The following ECPAS variants were observed in gnomAD, a reference collection of about 807,000 sequenced individuals.
ECPAS encodes Ecm29 proteasome adaptor and scaffold.
A neutral mutation model predicts 255.1 loss-of-function variants in ECPAS; 70 were observed. The ratio of observed to expected loss-of-function variants is 0.27; its 90% CI spans 0.23 to 0.33. ECPAS has a LOEUF of 0.33. Ranked by LOEUF, ECPAS falls within the 10% of genes least tolerant of loss-of-function variation. The pLI, the probability that ECPAS is intolerant of heterozygous loss-of-function variation, is 1.00. For synonymous variants in ECPAS, 784 were observed against 775.0 expected (o/e 1.01, Z -0.19); for missense variants, 1,817 against 2,206.4 (o/e 0.82, Z 3.54).
chr9:111,420,249 A>G, intron 15 of ECPAS, 129 bp from the exon 16 acceptor site: 1 of 606,896 alleles, frequency 1.6e-6, no homozygotes. Context: ...CTAAGGTGAC[A>G]TTTTAATAAA....
rs749813502 is a variant in ECPAS, at chr9:111,481,267, C to T, written c.-83+2849G>A. On this transcript the variant is annotated intron_variant, in intron 1 of 49. Transcript: ENST00000684092. ...ATCCCAGCACTTTGGGAGGCCGAGG[C>T]GGGTGGATCACAGCAGATCACAAGG... 5.3e-4 allele frequency among the ~76,000 whole-genome samples: 80 copies of T among 152,146 alleles called. 1 individual carries two copies. The highest frequency in any genetic ancestry group is 1.3e-4 in the Non-Finnish European group (9 of 68,034).
intron 38 of ECPAS, 84 bp from the exon 39 acceptor site, chr9:111,374,122 T>TA: frequency 9.9e-7 from 1 of 1,013,470 alleles, no homozygotes; most frequent in Admixed American, 1.7e-5. Flanking sequence ...GCCAAAAATT[T>TA]AAACATATAA....
intron 24 of ECPAS, among the ~76,000 whole-genome samples, chr9:111,404,760 G>A (rs1041851397): frequency 6.2e-5 from 8 of 129,470 alleles, no homozygotes; most frequent in East Asian, 2.2e-4. Flanking sequence ...ATATGCCAAC[G>A]GCAAACAATC....
At chr9:111,427,933 TTA>T in intron 10 of ECPAS, 107 bp downstream of exon 10, 2 of 873,728 alleles carry the variant, frequency 2.3e-6, no homozygotes, top group Admixed American at 3.6e-5. Context: ...ATTAATCTTG[TTA>T]TATACATCAA....
At chr9:111,386,266 CTT>C in intron 32 of ECPAS, 109 bp downstream of exon 32, 1 of 767,038 alleles carries the variant, frequency 1.3e-6, no homozygotes, top group Non-Finnish European at 2.2e-6. Context: ...GCCCGGCCAG[CTT>C]TTTAGTAGTT....
At chr9:111,419,769 A>G (rs1001725229) in intron 16 of ECPAS, among the ~76,000 whole-genome samples, 1 of 150,070 alleles carries the variant, frequency 6.7e-6, no homozygotes, top group Non-Finnish European at 1.5e-5. Context: ...TGTATTAGCT[A>G]TATATCATAT....
chr9:111,483,490 G>A, intron 1 of ECPAS: 1 of 978,506 alleles, frequency 1.0e-6, no homozygotes, highest in African/African-American at 1.8e-5. Context: ...CGCAGGTTCG[G>A]CCGCGGCACT....
Position 111,436,984 on chromosome 9 carries a change from G to A in ECPAS, c.664C>T (p.Arg222Ter), listed in dbSNP as rs754571522. Residue 222 changes from arginine (R) to a stop codon, truncating the protein, a stop_gained, in exon 7 of 50, where the codon CGA (arginine) becomes TGA (stop). Transcript: ENST00000684092. LOFTEE classifies it high-confidence loss of function. Reference protein sequence around the residue: ...PPGMSFYAAKRVIGDNPWTPE... With the variant: ...PPGMSFYAAK ...GTCCATGGGTTATCACCAATAACTC[G>A]TTTGGCTGCATAAAAGCTCATTCCC... 4 of 1,612,830 alleles carry A rather than the reference G, an allele frequency of 2.5e-6. No homozygotes were observed. Among genetic ancestry groups the A allele is most frequent in the Admixed American group, 1.7e-5 (1 of 59,792 alleles).
At chr9:111,407,206 A>G (rs560657239) in intron 24 of ECPAS, among the ~76,000 whole-genome samples, 1 of 147,418 alleles carries the variant, frequency 6.8e-6, no homozygotes, top group South Asian at 2.1e-4. Context: ...GTTCAAGACC[A>G]GCCTGGTCAA....
intron 38 of ECPAS, 54 bp from the exon 39 acceptor site, chr9:111,374,092 A>G: frequency 2.8e-6 from 4 of 1,421,332 alleles, no homozygotes; most frequent in Non-Finnish European, 4.0e-6. Context: ...TGTTCTACCT[A>G]CCAAACCATT....
At chr9:111,431,110 G>GTA (rs2098229287) in intron 8 of ECPAS, among the ~76,000 whole-genome samples, 1 of 152,136 alleles carries the variant, frequency 6.6e-6, no homozygotes, top group Admixed American at 6.5e-5. Flanking sequence ...GCAAGCCACC[G>GTA]TATTTCTCTA....
Position 111,420,067 on chromosome 9 carries a change from G to C in ECPAS, c.1509C>G (p.Pro503=). The change falls in exon 16 of 50, where the codon CCC becomes CCG. Residue 503 remains proline, a synonymous_variant. Coordinates refer to ENST00000684092, the MANE Select transcript of ECPAS (RefSeq NM_001364929.1). ...VAVKFASTVF[P]SDHIPSRYLL... is the part of the protein sequence containing the mutation. ...AATATCTGGAAGGGATATGATCTGAGGGAAACACCGTACTGGCAAATTTCA... is the reference window on the plus strand; with the variant it reads ...AATATCTGGAAGGGATATGATCTGACGGAAACACCGTACTGGCAAATTTCA... 6.2e-7 allele frequency: 1 copy of C among 1,612,816 alleles called. No homozygotes were observed. Among genetic ancestry groups the C allele is most frequent in the Non-Finnish European group, 8.5e-7 (1 of 1,179,302 alleles).
intron 24 of ECPAS, 123 bp from the exon 25 acceptor site, chr9:111,397,276 T>C: frequency 8.1e-7 from 1 of 1,241,814 alleles, no homozygotes. Context: ...TTTGCCCTAG[T>C]TTGCTTTCGG....
intron 38 of ECPAS, among the ~76,000 whole-genome samples, chr9:111,374,814 T>C (rs755182848): frequency 1.3e-5 from 2 of 152,166 alleles, no homozygotes; most frequent in African/African-American, 4.8e-5. Flanking sequence ...CATGCCCTAA[T>C]AACTGGATGT....
intron 3 of ECPAS, among the ~76,000 whole-genome samples, chr9:111,450,556 T>C (rs2098259054): frequency 6.6e-6 from 1 of 152,160 alleles, no homozygotes; most frequent in African/African-American, 2.4e-5. Flanking sequence ...GATGACCTAT[T>C]ATAAATATAC....
intron 20 of ECPAS, among the ~76,000 whole-genome samples, chr9:111,413,598 T>C (rs2131737358): frequency 6.6e-6 from 1 of 152,164 alleles, no homozygotes; most frequent in Middle Eastern, 3.4e-3. Context: ...TTTACATAGT[T>C]TTTATTTAAA....
intron 2 of ECPAS, among the ~76,000 whole-genome samples, chr9:111,455,295 G>A (rs117600491): frequency 1.4e-4 from 22 of 152,114 alleles, no homozygotes; most frequent in South Asian, 4.2e-4. Flanking sequence ...CTATCCTGGC[G>A]AACACGGTGA....
At chr9:111,437,761 T>C (rs897693547) in intron 6 of ECPAS, among the ~76,000 whole-genome samples, 1 of 152,222 alleles carries the variant, frequency 6.6e-6, no homozygotes, top group African/African-American at 2.4e-5. Context: ...GGTTAATTTA[T>C]CATCCCTATT....
intron 23 of ECPAS, among the ~76,000 whole-genome samples, chr9:111,409,808 T>C (rs1049697511): frequency 6.6e-6 from 1 of 152,098 alleles, no homozygotes; most frequent in Non-Finnish European, 1.5e-5. Context: ...ATCTTAACAG[T>C]TATAAAGACC....
Sources: allele counts gnomAD v4.1 joint callset (sites outside exome capture counted in the v4.1 genomes callset), GRCh38; gene constraint gnomAD v4.1.1; transcripts MANE v1.5; gene names NCBI Gene and HGNC (gene_info 2026-07-23, HGNC 2026-07-21).